Variants in DPP10 observed in about 807,000 individuals in gnomAD.
DPP10 encodes inactive dipeptidyl peptidase 10.
In DPP10, 33 loss-of-function variants were observed where a neutral mutation model predicts 120.9. That is an observed-to-expected ratio of 0.27 (90% CI 0.21 to 0.37). DPP10 has a LOEUF of 0.37. Ranked by LOEUF, DPP10 falls within the 10% of genes least tolerant of loss-of-function variation. The pLI is 1.00. For synonymous variants in DPP10, 337 were observed against 326.1 expected, an observed-to-expected ratio of 1.03 and a Z score of -0.36; for missense variants, 816 against 942.8, an observed-to-expected ratio of 0.87 and a Z score of 1.76.
intron 1 of DPP10, among the ~76,000 whole-genome samples, chr2:115,233,789 C>G (rs1450751639): frequency 6.6e-6 from 1 of 152,148 alleles, no homozygotes; most frequent in African/African-American, 2.4e-5. Flanking sequence ...CCACAGCATC[C>G]TTTTCACTCA....
At chr2:115,141,148 G>T (rs2050906916) in intron 1 of DPP10, among the ~76,000 whole-genome samples, 1 of 152,152 alleles carries the variant, frequency 6.6e-6, no homozygotes, top group South Asian at 2.1e-4. Context: ...CATTATAGGG[G>T]TAGGGATGTT....
At chr2:115,632,575 G>T (rs1352539867) in intron 5 of DPP10, among the ~76,000 whole-genome samples, 1 of 152,096 alleles carries the variant, frequency 6.6e-6, no homozygotes, top group Non-Finnish European at 1.5e-5. Context: ...TTCTGAAAAA[G>T]ATGTTATTTC....
At chr2:115,641,668 T>C (rs761926876) in intron 5 of DPP10, among the ~76,000 whole-genome samples, 5 of 152,196 alleles carry the variant, frequency 3.3e-5, no homozygotes, top group Non-Finnish European at 7.3e-5. Context: ...GTAACGTCTT[T>C]GTCTTATATC....
intron 5 of DPP10, among the ~76,000 whole-genome samples, chr2:115,535,951 G>C (rs1359435158): frequency 1.3e-5 from 2 of 151,838 alleles, no homozygotes; most frequent in East Asian, 3.9e-4. Flanking sequence ...TGTGATTTTT[G>C]CACATTGATT....
intron 5 of DPP10, among the ~76,000 whole-genome samples, chr2:115,532,510 T>C (rs2078532825): frequency 6.6e-6 from 1 of 152,128 alleles, no homozygotes; most frequent in South Asian, 2.1e-4. Flanking sequence ...CTACAATATG[T>C]ATTTAATAAA....
At chr2:115,366,979 A>C (rs955074606) in intron 3 of DPP10, among the ~76,000 whole-genome samples, 2 of 152,048 alleles carry the variant, frequency 1.3e-5, no homozygotes, top group African/African-American at 4.8e-5. Flanking sequence ...CAATATGTGG[A>C]ATCCATCACT....
At chr2:114,555,738 G>T (rs1356631632) in intron 1 of DPP10, among the ~76,000 whole-genome samples, 2 of 152,144 alleles carry the variant, frequency 1.3e-5, no homozygotes, top group African/African-American at 4.8e-5. Context: ...CATATTTAAT[G>T]ATGTATAACT....
chr2:114,999,284 A>T (rs1345423305), intron 1 of DPP10, among the ~76,000 whole-genome samples: 1 of 152,126 alleles, frequency 6.6e-6, no homozygotes, highest in Non-Finnish European at 1.5e-5. Context: ...AGGCAAAGAG[A>T]GAGGTTTCAT....
intron 3 of DPP10, among the ~76,000 whole-genome samples, chr2:115,471,808 C>T (rs1316681837): frequency 7.4e-6 from 1 of 135,998 alleles, no homozygotes. Context: ...TGTTTAGAGA[C>T]AAGGTCTCAC....
At chr2:114,444,994 G>T (rs1393574608) in intron 1 of DPP10, among the ~76,000 whole-genome samples, 2 of 152,012 alleles carry the variant, frequency 1.3e-5, no homozygotes, top group Non-Finnish European at 2.9e-5. Context: ...ATGGCTTTTT[G>T]AATTTATACT....
chr2:114,951,423 G>A (rs1330600760), intron 1 of DPP10, among the ~76,000 whole-genome samples: 1 of 152,046 alleles, frequency 6.6e-6, no homozygotes, highest in African/African-American at 2.4e-5. Flanking sequence ...TCTATGCTTG[G>A]TAAATAAAGT....
At chr2:114,565,251 G>T (rs946248123) in intron 1 of DPP10, among the ~76,000 whole-genome samples, 1 of 152,202 alleles carries the variant, frequency 6.6e-6, no homozygotes, top group African/African-American at 2.4e-5. Flanking sequence ...CACAACAGCT[G>T]CTGGGCTTCT....
intron 5 of DPP10, among the ~76,000 whole-genome samples, chr2:115,645,885 T>C (rs2087201306): frequency 6.6e-6 from 1 of 152,334 alleles, no homozygotes; most frequent in African/African-American, 2.4e-5. Context: ...GAAGCATTTA[T>C]ATCATGATGA....
At chr2:115,814,279 T>G (rs1384056610) in intron 19 of DPP10, among the ~76,000 whole-genome samples, 2 of 152,122 alleles carry the variant, frequency 1.3e-5, no homozygotes, top group Non-Finnish European at 2.9e-5. Flanking sequence ...AACAAAACAA[T>G]TCAGGAAATA....
intron 4 of DPP10, among the ~76,000 whole-genome samples, chr2:115,500,013 T>C (rs2076602678): frequency 6.6e-6 from 1 of 152,018 alleles, no homozygotes; most frequent in African/African-American, 2.4e-5. Flanking sequence ...CTGGATCAGA[T>C]AGAAAGGCTT....
chr2:114,714,207 T>TATGAAC (rs1339623482), intron 1 of DPP10, among the ~76,000 whole-genome samples: 1 of 151,954 alleles, frequency 6.6e-6, no homozygotes, highest in Non-Finnish European at 1.5e-5. Context: ...TCATGAAATC[T>TATGAAC]ATGAACATGA....
rs1553486145 is a variant in DPP10, at chr2:115,712,543, A to AATAT, written c.577-15253_577-15250dup. ...AATAGCTTTGAAGAGTCCTGAATTA[A>AATAT]ATATATATATATATATATATATAAA... is the stretch of plus-strand genomic sequence containing the variant. On this transcript the variant is annotated intron_variant, in intron 7 of 25. Transcript: ENST00000410059. Among the ~76,000 whole-genome samples, 26 of 64,300 alleles carry AATAT rather than the reference A, an allele frequency of 4.0e-4. 6 individuals carry two copies. Among genetic ancestry groups the AATAT allele is most frequent in the African/African-American group, 1.4e-3 (25 of 18,190 alleles). 42.2% of individuals were successfully genotyped at this position (64,300 alleles called of 152,430 possible).
At chr2:115,471,440 A>G (rs1712000) in intron 3 of DPP10, among the ~76,000 whole-genome samples, 83,627 of 151,952 alleles carry the variant, frequency 0.55, 24,507 homozygotes, top group Non-Finnish European at 0.67. Flanking sequence ...TTAGAATAGT[A>G]TAAGGCTGTG....
intron 5 of DPP10, among the ~76,000 whole-genome samples, chr2:115,570,473 A>G (rs2081275132): frequency 6.6e-6 from 1 of 152,184 alleles, no homozygotes; most frequent in Admixed American, 6.5e-5. Context: ...CATAGTCCAC[A>G]CTTCAGATCG....
Sources: gnomAD v4.1 joint callset for allele counts (sites outside exome capture counted in the v4.1 genomes callset) on GRCh38, gnomAD v4.1.1 for gene constraint, MANE v1.5 for transcripts, NCBI Gene and HGNC (gene_info 2026-07-23, HGNC 2026-07-21) for gene names.